Variants in DIS3L observed in about 807,000 individuals in gnomAD.
The protein encoded by DIS3L is DIS3-like exonuclease 1.
A neutral mutation model predicts 120.3 loss-of-function variants in DIS3L; 100 were observed. The observed-to-expected ratio is 0.83, with a 90% CI of 0.71 to 0.98. The LOEUF is 0.98. Ranked by LOEUF, DIS3L falls within the 50% of genes least tolerant of loss-of-function variation. The probability of loss-of-function intolerance (pLI) is 0.00; values close to 1 mark genes in which losing one functional copy is unlikely to be tolerated. For missense variants in DIS3L, 1,196 were observed against 1,314.2 expected (o/e 0.91, Z 1.39); for synonymous variants, 426 against 470.6 (o/e 0.91, Z 1.23).
At position 66,295,032 on chromosome 15, in the gene DIS3L, G is replaced by C; in HGVS notation, c.184G>C (p.Asp62His). 6.2e-7 allele frequency: 1 copy of C among 1,614,102 alleles called. No homozygotes were observed. The highest frequency in any genetic ancestry group is 8.5e-7 in the Non-Finnish European group (1 of 1,179,980). The stretch of plus-strand genomic sequence containing the variant: ...TGATGTGACTCATTACGTGATCCCA[G>C]ACTGGAAAGTTGTTCAAGATTATCT... ...SSDVTHYVIP[D>H]WKVVQDYLEI... is the part of the protein sequence containing the mutation. Residue 62 changes from aspartate (D) to histidine (H), a missense_variant, in exon 2 of 17, where the codon GAC becomes CAC. Physicochemically the swap from Asp to His is moderately conservative, Grantham distance 81. Coordinates refer to ENST00000319212, the MANE Select transcript of DIS3L (RefSeq NM_001143688.3).
At chr15:66,312,019 C>A in intron 5 of DIS3L, 119 bp downstream of exon 5, 1 of 1,170,192 alleles carries the variant, frequency 8.5e-7, no homozygotes, top group Non-Finnish European at 1.2e-6. Context: ...CCAGACTGGG[C>A]AACATAGTGA....
Position 66,295,101 on chromosome 15 carries a change from C to G in DIS3L, c.253C>G (p.Gln85Glu). The G allele has an allele frequency of 6.2e-7, 1 of 1,614,094 alleles. No individual in the cohort carries two copies. Among genetic ancestry groups the G allele is most frequent in the Admixed American group, 1.7e-5 (1 of 60,016 alleles). The change falls in exon 2 of 17, where the codon CAG (glutamine) becomes GAG (glutamate). Residue 85 changes from glutamine (Q) to glutamate (E), a missense_variant. Coordinates refer to ENST00000319212, the MANE Select transcript of DIS3L (RefSeq NM_001143688.3). ...TGAGTTGAAGGGAATTATTTTCATGCAGACAGCTTGTCAAGCTGTGCAGCA... is the reference window on the plus strand; with the variant it reads ...TGAGTTGAAGGGAATTATTTTCATGGAGACAGCTTGTCAAGCTGTGCAGCA... ...FPELKGIIFM[Q>E]TACQAVQHQR... is the part of the protein sequence containing the mutation.
At chr15:66,314,443 T>C (rs573676814) in intron 6 of DIS3L, among the ~76,000 whole-genome samples, 1 of 152,230 alleles carries the variant, frequency 6.6e-6, no homozygotes, top group African/African-American at 2.4e-5. Flanking sequence ...CTCAATGTGC[T>C]ATATTGCTTT....
At chr15:66,294,606 A>G (rs1015929749) in intron 1 of DIS3L, among the ~76,000 whole-genome samples, 8 of 152,192 alleles carry the variant, frequency 5.3e-5, no homozygotes, top group Admixed American at 2.0e-4. Context: ...CACAGAGCCA[A>G]CTTTAAATTG....
At chr15:66,299,672 T>C (rs2092626381) in intron 2 of DIS3L, among the ~76,000 whole-genome samples, 1 of 152,082 alleles carries the variant, frequency 6.6e-6, no homozygotes. Flanking sequence ...GAAATAGATG[T>C]TTCCAAGGAG....
chr15:66,328,316 A>C (rs1247934263), intron 12 of DIS3L, among the ~76,000 whole-genome samples: 1 of 152,128 alleles, frequency 6.6e-6, no homozygotes, highest in Non-Finnish European at 1.5e-5. Flanking sequence ...CTTTTCCCTT[A>C]GCCAGCCACA....
chr15:66,329,169 G>A (rs752986209), intron 13 of DIS3L, 45 bp downstream of exon 13: 1 of 1,589,076 alleles, frequency 6.3e-7, no homozygotes, highest in Non-Finnish European at 8.6e-7. Flanking sequence ...CTTTGCGCTA[G>A]TTATTTTAAA....
chr15:66,325,775 CA>C (rs958726496), intron 11 of DIS3L, 55 bp from the exon 12 acceptor site: 3 of 1,535,886 alleles, frequency 2.0e-6, no homozygotes, highest in African/African-American at 1.4e-5. Context: ...AAACAAAAAA[CA>C]AAAAAAGCCA....
chr15:66,312,046 A>G (rs1263663220), intron 5 of DIS3L, 146 bp downstream of exon 5: 6 of 919,158 alleles, frequency 6.5e-6, no homozygotes, highest in South Asian at 5.4e-5. Context: ...GTCTCTAGAA[A>G]AAATTTAAAA....
chr15:66,318,487 T>C lies in DIS3L; in HGVS notation c.1033T>C (p.Tyr345His). The change falls in exon 8 of 17, where the codon TAT (tyrosine) becomes CAT (histidine). Residue 345 changes from tyrosine to histidine, a missense_variant. Coordinates refer to ENST00000319212, the MANE Select transcript of DIS3L (RefSeq NM_001143688.3). The stretch of plus-strand genomic sequence containing the variant: ...CATACTTCAGAAGAACTGGCGGGAT[T>C]ATGTGGTGACATTTCCGTCCAAAGA... ...VGILQKNWRDYVVTFPSKEEV... is the reference protein window; with the variant it reads ...VGILQKNWRDHVVTFPSKEEV... 2 of 1,614,066 alleles carry C rather than the reference T, an allele frequency of 1.2e-6. No individual in the cohort carries two copies. Among genetic ancestry groups the C allele is most frequent in the East Asian group, 4.5e-5 (2 of 44,860 alleles).
At chr15:66,329,157 A>G (rs755424403) in intron 13 of DIS3L, 33 bp downstream of exon 13, 1 of 1,594,282 alleles carries the variant, frequency 6.3e-7, no homozygotes, top group South Asian at 1.1e-5. Flanking sequence ...GTGTGGCTGT[A>G]ACTTTGCGCT....
In DIS3L at chr15:66,314,068, C is replaced by T. The variant is rs1415781194; in HGVS notation, c.765C>T (p.Ala255=). The T allele has an allele frequency of 6.5e-7, 1 of 1,533,018 alleles. No homozygotes were observed. Among genetic ancestry groups the T allele is most frequent in the Admixed American group, 2.3e-5 (1 of 44,192 alleles). The allele number at this position is 1,533,018 out of a possible 1,614,324, so 95.0% of individuals were successfully genotyped here. ...TTCTGAATGTCAACAAACACAGAGC[C>T]CAAATAGAAGCTTTTGTTCGACTTC... ...QGILNVNKHR[A]QIEAFVRLQG... The change falls in exon 6 of 17, where the codon GCC becomes GCT. Residue 255 remains alanine (A), a synonymous_variant. Coordinates refer to ENST00000319212, the MANE Select transcript of DIS3L (RefSeq NM_001143688.3).
chr15:66,332,942 T>C, intron 16 of DIS3L, 32 bp downstream of exon 16: 1 of 1,579,584 alleles, frequency 6.3e-7, no homozygotes, highest in Non-Finnish European at 8.6e-7. Flanking sequence ...GTATTATTAA[T>C]ATTTTAAATG....
chr15:66,326,279 C>T lies in DIS3L; in HGVS notation c.2116C>T (p.Leu706=). Reference sequence around the variant, plus strand: ...GGAGAGCTTCCCTCATCAGGCCTTGCTGCGCCAGCACCCTCCTCCACACCA... The same window carrying T: ...GGAGAGCTTCCCTCATCAGGCCTTGTTGCGCCAGCACCCTCCTCCACACCA... The part of the protein sequence containing the change: ...IWESFPHQAL[L]RQHPPPHQEF... Residue 706 remains leucine (L), a synonymous_variant, in exon 12 of 17, where the codon CTG becomes TTG. Coordinates refer to ENST00000319212, the MANE Select transcript of DIS3L (RefSeq NM_001143688.3). The T allele has an allele frequency of 6.2e-7, 1 of 1,614,112 alleles. No individual in the cohort carries two copies.
rs201807293 is a variant in DIS3L, at chr15:66,327,945, C to CA, written c.2202-1024dup. 9.6e-3 allele frequency among the ~76,000 whole-genome samples: 1,456 copies of CA among 152,198 alleles called. 24 individuals are homozygous for CA. Among genetic ancestry groups the CA allele is most frequent in the African/African-American group, 0.034 (1,405 of 41,522 alleles). ...GCGCACTCTTGTAATCCCAGCTACT[C>CA]AGAGGCTGAGGTGCGAGAATCGCTT... On this transcript the variant is annotated intron_variant, in intron 12 of 16. Transcript: ENST00000319212.
At chr15:66,296,475 G>A (rs140929384) in intron 2 of DIS3L, among the ~76,000 whole-genome samples, 3 of 151,040 alleles carry the variant, frequency 2.0e-5, no homozygotes, top group Non-Finnish European at 4.4e-5. Context: ...CACTTTTTAA[G>A]CTCTTAGTTC....
At chr15:66,332,440 G>C (rs1356539661) in intron 15 of DIS3L, among the ~76,000 whole-genome samples, 1 of 138,124 alleles carries the variant, frequency 7.2e-6, no homozygotes, top group Non-Finnish European at 1.6e-5. Context: ...CTGGGCGACA[G>C]AGCAAGACTC....
At position 66,326,376 on chromosome 15, in the gene DIS3L, T is replaced by C. The variant is rs977464844; in HGVS notation, c.2201+12T>C. 1.9e-6 allele frequency: 3 copies of C among 1,609,990 alleles called. No homozygotes were observed. Among genetic ancestry groups the C allele is most frequent in the East Asian group, 2.2e-5 (1 of 44,802 alleles). On this transcript the variant is annotated intron_variant, in intron 12 of 16. Coordinates refer to ENST00000319212, the MANE Select transcript of DIS3L (RefSeq NM_001143688.3). Reference sequence around the variant, plus strand: ...TTCATAGATACACGGTATTCCTCTTTTGAGGGGGCAGAGGAATGGAGTGGC... The same window carrying C: ...TTCATAGATACACGGTATTCCTCTTCTGAGGGGGCAGAGGAATGGAGTGGC...
chr15:66,313,844 T>C (rs73483634), intron 5 of DIS3L, among the ~76,000 whole-genome samples, 195 bp from the exon 6 acceptor site: 10,041 of 149,132 alleles, frequency 0.067, 1,106 homozygotes, highest in African/African-American at 0.23. Context: ...AGTGTATATG[T>C]GTGTGCGTAT....
Sources: gnomAD v4.1 joint callset for allele counts (sites outside exome capture counted in the v4.1 genomes callset) on GRCh38, gnomAD v4.1.1 for gene constraint, MANE v1.5 for transcripts, NCBI Gene and HGNC (gene_info 2026-07-23, HGNC 2026-07-21) for gene names.